The following TMEM132C variants were observed in gnomAD, a reference collection of about 807,000 sequenced individuals.
TMEM132C encodes protein phosphatase 1, regulatory subunit 152.
A neutral mutation model predicts 61.4 loss-of-function variants in TMEM132C; 29 were observed. The observed-to-expected ratio is 0.47, with a 90% CI of 0.35 to 0.64. The LOEUF is 0.64. Ranked by LOEUF, TMEM132C falls within the 30% of genes least tolerant of loss-of-function variation. The pLI is 0.00. For synonymous variants in TMEM132C, 656 were observed against 633.1 expected (o/e 1.04, Z -0.54); for missense variants, 1,408 against 1,476.9 (o/e 0.95, Z 0.76).
At chr12:128,364,389 C>T (rs1400714234) in intron 1 of TMEM132C, among the ~76,000 whole-genome samples, 2 of 150,558 alleles carry the variant, frequency 1.3e-5, no homozygotes, top group Admixed American at 6.6e-5. Flanking sequence ...TTCTGTTGGA[C>T]GACTGTCTGT....
chr12:128,521,120 G>A (rs1418591485), intron 2 of TMEM132C, among the ~76,000 whole-genome samples: 1 of 152,002 alleles, frequency 6.6e-6, no homozygotes, highest in Non-Finnish European at 1.5e-5. Context: ...TCCAGACATT[G>A]CCAGATATTC....
At chr12:128,546,772 G>A (rs1022201519) in intron 3 of TMEM132C, among the ~76,000 whole-genome samples, 1 of 152,146 alleles carries the variant, frequency 6.6e-6, no homozygotes, top group Admixed American at 6.5e-5. Context: ...TGGTCATGTT[G>A]GACCCACCTG....
chr12:128,470,912 A>G (rs1430391736), intron 2 of TMEM132C, among the ~76,000 whole-genome samples: 3 of 152,222 alleles, frequency 2.0e-5, no homozygotes, highest in Non-Finnish European at 4.4e-5. Flanking sequence ...TGGCCCATGC[A>G]TTATAATCTG....
chr12:128,309,547 TC>T (rs1179659607), intron 1 of TMEM132C, among the ~76,000 whole-genome samples: 1 of 152,082 alleles, frequency 6.6e-6, no homozygotes. Context: ...CATTCCGTTT[TC>T]CTCCAGCCCC....
At position 128,321,272 on chromosome 12, in the gene TMEM132C, G is replaced by A. The variant is rs140983337; in HGVS notation, c.85+53785G>A. ...CAGTGGGGAAATGGTTAAACAAACC[G>A]TGTACCATGGAATACCACTTAGCAA... On this transcript the variant is annotated intron_variant, in intron 1 of 8. Coordinates refer to ENST00000435159, the MANE Select transcript of TMEM132C (RefSeq NM_001136103.3). Among the ~76,000 whole-genome samples, 64 of 152,044 alleles carry A rather than the reference G, an allele frequency of 4.2e-4. 1 individual carries two copies. Among genetic ancestry groups the A allele is most frequent in the African/African-American group, 1.3e-3 (52 of 41,478 alleles).
In TMEM132C at chr12:128,268,433, G is replaced by T. The variant is rs147140227; in HGVS notation, c.85+946G>T. On this transcript the variant is annotated intron_variant, in intron 1 of 8. Transcript: ENST00000435159. ...GGGGCAGGCGGGGAGCAAGGCCTAG[G>T]CTCTGCCAGGGCAGCAGCTGCCCGA... 3.2e-3 allele frequency among the ~76,000 whole-genome samples: 484 copies of T among 152,306 alleles called. 1 individual carries two copies. The highest frequency in any genetic ancestry group is 0.01 in the African/African-American group (434 of 41,586).
intron 1 of TMEM132C, among the ~76,000 whole-genome samples, chr12:128,347,150 C>T (rs1483368906): frequency 6.6e-6 from 1 of 152,108 alleles, no homozygotes; most frequent in Non-Finnish European, 1.5e-5. Context: ...TAGCTTAGTT[C>T]TCACTTACAG....
chr12:128,293,032 A>C (rs1216986061), intron 1 of TMEM132C, among the ~76,000 whole-genome samples: 1 of 151,716 alleles, frequency 6.6e-6, no homozygotes, highest in Non-Finnish European at 1.5e-5. Context: ...CTTGATTTTC[A>C]AAAAATTTGA....
chr12:128,302,312 A>G (rs1041886746), intron 1 of TMEM132C, among the ~76,000 whole-genome samples: 1 of 152,204 alleles, frequency 6.6e-6, no homozygotes, highest in African/African-American at 2.4e-5. Context: ...TGATCTTATT[A>G]TTATCTGTCT....
chr12:128,296,323 G>A (rs141562582), intron 1 of TMEM132C, among the ~76,000 whole-genome samples: 103 of 152,276 alleles, frequency 6.8e-4, no homozygotes, highest in African/African-American at 2.0e-3. Context: ...GAAGTAGGGT[G>A]GTTTCCAGGT....
intron 2 of TMEM132C, among the ~76,000 whole-genome samples, chr12:128,493,342 T>G (rs1485505005): frequency 1.3e-5 from 2 of 152,224 alleles, no homozygotes; most frequent in Non-Finnish European, 2.9e-5. Context: ...GAATGTTTTT[T>G]GGTTCCATAT....
chr12:128,285,668 C>T (rs1428077072), intron 1 of TMEM132C, among the ~76,000 whole-genome samples: 3 of 147,384 alleles, frequency 2.0e-5, no homozygotes, highest in African/African-American at 5.1e-5. Flanking sequence ...CCTCTCCCTC[C>T]CCTCGCCCCC....
chr12:128,294,833 G>A (rs771712529), intron 1 of TMEM132C, among the ~76,000 whole-genome samples: 3 of 152,112 alleles, frequency 2.0e-5, no homozygotes, highest in Non-Finnish European at 4.4e-5. Context: ...TTCTGAAGAG[G>A]AGGATTTCAA....
chr12:128,681,381 T>C (rs1369541701), intron 5 of TMEM132C, among the ~76,000 whole-genome samples: 1 of 152,116 alleles, frequency 6.6e-6, no homozygotes, highest in Non-Finnish European at 1.5e-5. Flanking sequence ...GGTGAAGATA[T>C]CCAGTAAAAT....
At chr12:128,406,717 T>C (rs1423386279) in intron 1 of TMEM132C, among the ~76,000 whole-genome samples, 1 of 152,210 alleles carries the variant, frequency 6.6e-6, no homozygotes, top group Non-Finnish European at 1.5e-5. Flanking sequence ...AATTAAGATA[T>C]AACCCTACTT....
At chr12:128,477,802 G>A (rs1246730546) in intron 2 of TMEM132C, among the ~76,000 whole-genome samples, 10 of 152,118 alleles carry the variant, frequency 6.6e-5, no homozygotes, top group Non-Finnish European at 1.5e-4. Flanking sequence ...GGTTGGTCTC[G>A]AACTCCTGAC....
intron 2 of TMEM132C, among the ~76,000 whole-genome samples, chr12:128,524,845 A>G (rs1230779496): frequency 2.0e-5 from 3 of 152,216 alleles, no homozygotes; most frequent in East Asian, 1.9e-4. Context: ...GCTGAGAACT[A>G]TGATCTTCCC....
chr12:128,515,416 G>A (rs149316154), intron 2 of TMEM132C, among the ~76,000 whole-genome samples: 3 of 152,198 alleles, frequency 2.0e-5, no homozygotes, highest in South Asian at 2.1e-4. Flanking sequence ...AGAACTGGAC[G>A]CACCTCTGTC....
At chr12:128,368,175 C>T (rs1395017730) in intron 1 of TMEM132C, among the ~76,000 whole-genome samples, 2 of 152,200 alleles carry the variant, frequency 1.3e-5, no homozygotes, top group Admixed American at 1.3e-4. Flanking sequence ...ATAGTTCATC[C>T]CCACTAGCTA....
Sources: allele counts gnomAD v4.1 joint callset (sites outside exome capture counted in the v4.1 genomes callset), GRCh38; gene constraint gnomAD v4.1.1; transcripts MANE v1.5; gene names NCBI Gene and HGNC (gene_info 2026-07-23, HGNC 2026-07-21).